SMIM21: variants seen among roughly 807,000 people sequenced by gnomAD.
The protein encoded by SMIM21 is small integral membrane protein 21.
SMIM21 carries 8 observed loss-of-function variants against 8.6 expected under a neutral mutation model. The observed-to-expected ratio is 0.93, with a 90% CI of 0.55 to 1.68. SMIM21 has a LOEUF of 1.68. Ranked by LOEUF, SMIM21 falls within the 40% of genes most tolerant of loss-of-function variation. SMIM21 has a pLI of 0.00. For synonymous variants in SMIM21, 43 were observed against 41.7 expected, an observed-to-expected ratio of 1.03 and a Z score of -0.12; for missense variants, 132 against 123.0, an observed-to-expected ratio of 1.07 and a Z score of -0.35.
chr18:75,413,516 C>T (rs2024604299), intron 2 of SMIM21, among the ~76,000 whole-genome samples: 1 of 152,190 alleles, frequency 6.6e-6, no homozygotes, highest in African/African-American at 2.4e-5. Context: ...GATCCAATGT[C>T]TGTACTTAAA....
intron 2 of SMIM21, chr18:75,416,872 C>A (rs2024651539): frequency 6.6e-6 from 1 of 152,078 alleles, no homozygotes; most frequent in Non-Finnish European, 1.5e-5. Context: ...TTTTCATCAT[C>A]CTTGCTGTAA....
intron 1 of SMIM21, among the ~76,000 whole-genome samples, chr18:75,426,477 T>C (rs2024763382): frequency 6.6e-6 from 1 of 151,764 alleles, no homozygotes; most frequent in African/African-American, 2.4e-5. Flanking sequence ...GACTGGCTAA[T>C]TTTTTGTATT....
At chr18:75,415,215 C>T (rs967038885) in intron 2 of SMIM21, among the ~76,000 whole-genome samples, 3 of 152,172 alleles carry the variant, frequency 2.0e-5, no homozygotes, top group African/African-American at 4.8e-5. Flanking sequence ...AAGCACCAAG[C>T]GCCCACAGTG....
intron 1 of SMIM21, among the ~76,000 whole-genome samples, chr18:75,426,424 C>T (rs936080425): frequency 1.3e-5 from 2 of 151,906 alleles, no homozygotes; most frequent in African/African-American, 2.4e-5. Context: ...ATTCTCCTGC[C>T]TCAGCCTCCC....
chr18:75,427,666 C>CT lies in SMIM21; in HGVS notation c.-104dup. 1 of 1,253,550 alleles carries CT rather than the reference C, an allele frequency of 8.0e-7. No individual in the cohort carries two copies. The highest frequency in any genetic ancestry group is 1.1e-6 in the Non-Finnish European group (1 of 948,292). 77.7% of individuals were successfully genotyped at this position (1,253,550 alleles called of 1,614,324 possible). Reference sequence around the variant, plus strand: ...ACCTGGTAACTAAGTTCCCAAGGAGCTTTTCTCTTCTTTGCCAACCTTGAA... The same window carrying CT: ...ACCTGGTAACTAAGTTCCCAAGGAGCTTTTTCTCTTCTTTGCCAACCTTGAA... On this transcript the variant is annotated 5_prime_UTR_variant, in exon 1 of 3. Coordinates refer to ENST00000579022, the MANE Select transcript of SMIM21 (RefSeq NM_001037331.3).
chr18:75,410,880 G>C lies in SMIM21; in HGVS notation c.290C>G (p.Thr97Arg), dbSNP rs2024576486. 6.2e-7 allele frequency: 1 copy of C among 1,614,142 alleles called. No individual in the cohort carries two copies. Among genetic ancestry groups the C allele is most frequent in the Non-Finnish European group, 8.5e-7 (1 of 1,180,020 alleles). The change falls in exon 3 of 3, where the codon ACA (threonine) becomes AGA (arginine). Residue 97 changes from threonine (T) to arginine (R), a missense_variant. Physicochemically the swap from Thr to Arg is moderately conservative, Grantham distance 71 (BLOSUM62 -1). Transcript: ENST00000579022. ...NFLRLKSSRN[T>R]AEAE ...TAGTGTCATTTATTCTGCTTCTGCTGTGTTCCTGGATGACTTCAAACGTAG... is the reference window on the plus strand; with the variant it reads ...TAGTGTCATTTATTCTGCTTCTGCTCTGTTCCTGGATGACTTCAAACGTAG...
At chr18:75,410,951 A>C (rs1198255840) in intron 2 of SMIM21, 42 bp from the exon 3 acceptor site, 4 of 1,605,686 alleles carry the variant, frequency 2.5e-6, no homozygotes, top group Non-Finnish European at 3.4e-6. Flanking sequence ...TATTTTTTTG[A>C]TAGATATAAT....
chr18:75,415,766 C>T (rs2024637306), intron 2 of SMIM21, among the ~76,000 whole-genome samples: 1 of 152,198 alleles, frequency 6.6e-6, no homozygotes, highest in South Asian at 2.1e-4. Context: ...GTAGCAAAGA[C>T]ATCTTTTCAT....
chr18:75,419,010 T>C, intron 1 of SMIM21, 94 bp from the exon 2 acceptor site: 1 of 704,612 alleles, frequency 1.4e-6, no homozygotes, highest in Non-Finnish European at 2.3e-6. Context: ...ACAATTAATT[T>C]TGTTTAAAAT....
At chr18:75,418,583 C>A (rs955645136) in intron 2 of SMIM21, among the ~76,000 whole-genome samples, 1 of 152,154 alleles carries the variant, frequency 6.6e-6, no homozygotes, top group Non-Finnish European at 1.5e-5. Context: ...TGCTCTATCA[C>A]GGATGGATAT....
chr18:75,411,788 C>T (rs2144542761), intron 2 of SMIM21, among the ~76,000 whole-genome samples: 1 of 152,302 alleles, frequency 6.6e-6, no homozygotes, highest in East Asian at 1.9e-4. Flanking sequence ...CAATTTTATT[C>T]ATAGGATTAA....
At chr18:75,418,159 A>G in intron 2 of SMIM21, 2 of 398,470 alleles carry the variant, frequency 5.0e-6, no homozygotes, top group Non-Finnish European at 8.8e-6. Context: ...AAAACACAAA[A>G]AGCCTACAGT....
intron 1 of SMIM21, among the ~76,000 whole-genome samples, chr18:75,420,697 C>T (rs1244094966): frequency 6.6e-6 from 1 of 152,170 alleles, no homozygotes; most frequent in African/African-American, 2.4e-5. Context: ...TACTGCTATG[C>T]TTGTCCTACG....
chr18:75,427,321 AT>A, intron 1 of SMIM21, 113 bp downstream of exon 1: 1 of 1,223,220 alleles, frequency 8.2e-7, no homozygotes, highest in Non-Finnish European at 1.1e-6. Context: ...TAGAATCTGG[AT>A]TTGAGAGACA....
At chr18:75,424,174 G>A (rs1056580659) in intron 1 of SMIM21, among the ~76,000 whole-genome samples, 1 of 152,170 alleles carries the variant, frequency 6.6e-6, no homozygotes, top group Non-Finnish European at 1.5e-5. Flanking sequence ...ACCAAGATAA[G>A]CCATGTTACA....
intron 2 of SMIM21, chr18:75,417,930 A>C (rs922658740): frequency 1.9e-4 from 63 of 333,576 alleles, no homozygotes; most frequent in Admixed American, 9.6e-5. Context: ...AAGAAATTCA[A>C]TTTCCAAATA....
chr18:75,415,591 G>A (rs9949317), intron 2 of SMIM21, among the ~76,000 whole-genome samples: 68,960 of 152,052 alleles, frequency 0.45, 18,164 homozygotes, highest in East Asian at 0.79. Flanking sequence ...CAAAACAAAC[G>A]TCCTTACTCA....
intron 1 of SMIM21, among the ~76,000 whole-genome samples, chr18:75,425,689 C>T (rs1380886076): frequency 6.6e-6 from 1 of 152,212 alleles, no homozygotes; most frequent in Non-Finnish European, 1.5e-5. Flanking sequence ...AAATGCTTAG[C>T]ACATGGGTAG....
In SMIM21 at chr18:75,410,422, G is replaced by T; in HGVS notation, c.*442C>A. 1 of 162,976 alleles carries T rather than the reference G, an allele frequency of 6.1e-6. No individual in the cohort carries two copies. Among genetic ancestry groups the T allele is most frequent in the Non-Finnish European group, 1.3e-5 (1 of 74,554 alleles). 10.1% of individuals were successfully genotyped at this position (162,976 alleles called of 1,614,324 possible). On this transcript the variant is annotated 3_prime_UTR_variant, in exon 3 of 3. Coordinates refer to ENST00000579022, the MANE Select transcript of SMIM21 (RefSeq NM_001037331.3). ...GTTGTTAGCAACTATATGATATACAGAACATCACAGAAATATCTCAAACTG... is the reference window on the plus strand; with the variant it reads ...GTTGTTAGCAACTATATGATATACATAACATCACAGAAATATCTCAAACTG...
Sources: gnomAD v4.1 joint callset for allele counts (sites outside exome capture counted in the v4.1 genomes callset) on GRCh38, gnomAD v4.1.1 for gene constraint, MANE v1.5 for transcripts, NCBI Gene and HGNC (gene_info 2026-07-23, HGNC 2026-07-21) for gene names.